Variants in JCAD observed in about 807,000 individuals in gnomAD.
JCAD encodes junctional cadherin 5-associated protein.
A neutral mutation model predicts 98.0 loss-of-function variants in JCAD; 40 were observed. That is an observed-to-expected ratio of 0.41 (90% CI 0.32 to 0.53). JCAD has a LOEUF of 0.53. JCAD is among the 20% of genes least tolerant of loss of function. The probability of loss-of-function intolerance (pLI) is 0.31; values close to 1 mark genes in which losing one functional copy is unlikely to be tolerated. For missense variants in JCAD, 1,705 were observed against 1,738.1 expected, an observed-to-expected ratio of 0.98 and a Z score of 0.34; for synonymous variants, 691 against 682.3, an observed-to-expected ratio of 1.01 and a Z score of -0.20.
chr10:30,016,800 T>C lies in JCAD; in HGVS notation c.*1083A>G, dbSNP rs1177977978. 6.6e-6 allele frequency: 1 copy of C among 152,152 alleles called. No homozygotes were observed. The highest frequency in any genetic ancestry group is 1.5e-5 in the Non-Finnish European group (1 of 68,018). The allele number at this position is 152,152 out of a possible 1,614,324, so 9.4% of individuals were successfully genotyped here. On this transcript the variant is annotated 3_prime_UTR_variant, in exon 4 of 4. Coordinates refer to ENST00000375377, the MANE Select transcript of JCAD (RefSeq NM_020848.4). ...ACAATGTTGGCTGGTTTTCAGAGGG[T>C]TATTTTCAAATATAACCTGATAGCT...
At chr10:30,111,269 T>C (rs751383550) in intron 1 of JCAD, among the ~76,000 whole-genome samples, 3 of 152,196 alleles carry the variant, frequency 2.0e-5, no homozygotes, top group Non-Finnish European at 4.4e-5. Context: ...AGGGGTTACT[T>C]CTTCTTGGGT....
chr10:30,050,484 T>A (rs1837446687), intron 1 of JCAD, among the ~76,000 whole-genome samples: 1 of 152,076 alleles, frequency 6.6e-6, no homozygotes, highest in African/African-American at 2.4e-5. Context: ...ACTCAGTTTC[T>A]CTCTCTTACT....
rs560651928 is a variant in JCAD at position 30,094,680 on chromosome 10, C to A, written n.128+20687G>T. On this transcript the variant is annotated intron_variant and non_coding_transcript_variant, in intron 1 of 2. Coordinates refer to the JCAD transcript ENST00000465712. Reference sequence around the variant, plus strand: ...GCATGGCAGCCTTATGGAAAGAAATCAGTTCTCTTCCTGCTCCCAACTAAG... The same window carrying A: ...GCATGGCAGCCTTATGGAAAGAAATAAGTTCTCTTCCTGCTCCCAACTAAG... Among the ~76,000 whole-genome samples the A allele has an allele frequency of 1.5e-4, 23 of 152,260 alleles. 3 individuals are homozygous for A. The South Asian group carries it at 4.8e-3, about 32-fold the overall frequency.
rs768950673 is a variant in JCAD, at chr10:30,026,838, G to A, written c.3310C>T (p.Arg1104Trp). The change falls in exon 3 of 4, where the codon CGG (arginine) becomes TGG (tryptophan). Residue 1104 changes from arginine to tryptophan, a missense_variant. Physicochemically the swap from Arg to Trp is moderately radical, Grantham distance 101. Around this residue, in one of 3 missense-constraint regions of JCAD, gnomAD observed 1,278 missense variants for 1,243.1 expected, o/e 1.03. Transcript: ENST00000375377. ...GCAGGCTGGTTCTGTCCCGCTCTCC[G>A]GATGCCCGGCAGGAGGGACTCCACC... The part of the protein sequence containing the change: ...VAVESLLPGI[R>W]RAGQNQPAEP... 6.8e-6 allele frequency: 11 copies of A among 1,613,982 alleles called. No homozygotes were observed. The East Asian group carries it at 1.3e-4, about 20-fold the overall frequency.
intron 1 of JCAD, among the ~76,000 whole-genome samples, chr10:30,089,607 T>G (rs951279726): frequency 6.6e-6 from 1 of 151,772 alleles, no homozygotes; most frequent in East Asian, 1.9e-4. Flanking sequence ...CAAAAGTCCC[T>G]TCTGAAATAC....
At chr10:30,109,147 G>A (rs1838643304) in intron 1 of JCAD, among the ~76,000 whole-genome samples, 1 of 152,092 alleles carries the variant, frequency 6.6e-6, no homozygotes, top group Non-Finnish European at 1.5e-5. Context: ...TGTGTGCATT[G>A]AGGCCATTCT....
At chr10:30,030,225 C>T (rs899292655) in intron 2 of JCAD, among the ~76,000 whole-genome samples, 9 of 152,204 alleles carry the variant, frequency 5.9e-5, no homozygotes. Flanking sequence ...GGGAGAATCT[C>T]TTGAGGCCAG....
intron 1 of JCAD, among the ~76,000 whole-genome samples, chr10:30,052,111 T>A (rs1273447880): frequency 6.6e-6 from 1 of 152,206 alleles, no homozygotes; most frequent in Non-Finnish European, 1.5e-5. Flanking sequence ...TGGTGTCTAT[T>A]CAAATGGAAG....
intron 2 of JCAD, among the ~76,000 whole-genome samples, chr10:30,034,148 G>GGGA (rs1290527791): frequency 6.6e-6 from 1 of 151,914 alleles, no homozygotes; most frequent in Non-Finnish European, 1.5e-5. Flanking sequence ...GCTTGAACCC[G>GGGA]GGAGGAGGAG....
chr10:30,043,361 G>C (rs552329565), intron 2 of JCAD, among the ~76,000 whole-genome samples: 1 of 152,148 alleles, frequency 6.6e-6, no homozygotes, highest in Admixed American at 6.5e-5. Context: ...TTACTAGATA[G>C]AGCTGGTCTT....
intron 1 of JCAD, among the ~76,000 whole-genome samples, chr10:30,078,776 A>G (rs1446128771): frequency 6.6e-6 from 1 of 152,180 alleles, no homozygotes; most frequent in Non-Finnish European, 1.5e-5. Flanking sequence ...CTCTCTGATG[A>G]CAGTTACGAG....
intron 1 of JCAD, among the ~76,000 whole-genome samples, chr10:30,108,117 C>CAAGACCA (rs1838619490): frequency 6.6e-6 from 1 of 151,864 alleles, no homozygotes; most frequent in Non-Finnish European, 1.5e-5. Flanking sequence ...GTTTGAGACC[C>CAAGACCA]GCCTGGCCAA....
rs1836470337 is a variant in JCAD at position 30,013,591 on chromosome 10, A to G, written c.*4292T>C. On this transcript the variant is annotated 3_prime_UTR_variant, in exon 4 of 4. Transcript: ENST00000375377. ...TGCTCCGTGACAATGAATGTCTCAC[A>G]TCTCGGCTCTGCTGCGGGGCAGGGG... is the stretch of plus-strand genomic sequence containing the variant. 1 of 152,278 alleles carries G rather than the reference A, an allele frequency of 6.6e-6. No homozygotes were observed. The highest frequency in any genetic ancestry group is 2.1e-4 in the South Asian group (1 of 4,836). 9.4% of individuals were successfully genotyped at this position (152,278 alleles called of 1,614,324 possible).
chr10:30,049,063 C>T (rs757492266), intron 1 of JCAD, among the ~76,000 whole-genome samples: 4 of 152,210 alleles, frequency 2.6e-5, no homozygotes, highest in Admixed American at 6.5e-5. Context: ...AACCTACCTA[C>T]GAGCAAAAGA....
chr10:30,041,047 G>A (rs983291687), intron 2 of JCAD, among the ~76,000 whole-genome samples: 6 of 152,100 alleles, frequency 3.9e-5, no homozygotes, highest in African/African-American at 1.4e-4. Context: ...CCAGAAGCCT[G>A]CACCTCCACA....
intron 1 of JCAD, among the ~76,000 whole-genome samples, chr10:30,070,700 G>A (rs766072145): frequency 6.6e-5 from 10 of 152,058 alleles, no homozygotes; most frequent in East Asian, 1.9e-4. Flanking sequence ...AGCATATGCC[G>A]GAGCCACAGT....
In JCAD at chr10:30,027,452, G is replaced by A. The variant is rs780054400; in HGVS notation, c.2696C>T (p.Pro899Leu). The A allele has an allele frequency of 9.3e-6, 15 of 1,604,686 alleles. No homozygotes were observed. The highest frequency in any genetic ancestry group is 3.3e-4 in the Middle Eastern group (2 of 6,084). ...TCCCGACCTACACACAGGGCTCTCC[G>A]GCACCCACATCCTCGGCTGTGGCTC... ...RVEPQPRMWV[P>L]ESPVCRSGRG... is the part of the protein sequence containing the mutation. The change falls in exon 3 of 4, where the codon CCG becomes CTG. Residue 899 changes from proline to leucine, a missense_variant. By Grantham distance (98) the Pro-to-Leu change is moderately conservative (BLOSUM62 -3). Coordinates refer to ENST00000375377, the MANE Select transcript of JCAD (RefSeq NM_020848.4).
At chr10:30,041,988 G>C (rs563317872) in intron 2 of JCAD, among the ~76,000 whole-genome samples, 1 of 151,752 alleles carries the variant, frequency 6.6e-6, no homozygotes, top group East Asian at 1.9e-4. Flanking sequence ...GTGTGTGTTT[G>C]TGTGTGTGTG....
chr10:30,053,274 T>G (rs1837505155), intron 1 of JCAD, among the ~76,000 whole-genome samples: 1 of 151,848 alleles, frequency 6.6e-6, no homozygotes. Context: ...TTCTTAAAAG[T>G]GATTAGCCAG....
Sources: gnomAD v4.1 joint callset for allele counts (sites outside exome capture counted in the v4.1 genomes callset) on GRCh38, gnomAD v4.1.1 for gene constraint, gnomAD v4.1.1 regional missense constraint, MANE v1.5 for transcripts, NCBI Gene and HGNC (gene_info 2026-07-23, HGNC 2026-07-21) for gene names.